Variants in RBFOX1 observed in about 807,000 individuals in gnomAD.
The protein encoded by RBFOX1 is RNA binding fox-1 homolog 1.
In RBFOX1, 8 loss-of-function variants were observed where a neutral mutation model predicts 57.7. The ratio of observed to expected loss-of-function variants is 0.14; its 90% CI spans 0.08 to 0.25. The LOEUF (loss-of-function observed/expected upper bound fraction) is 0.25, where lower values mean the gene tolerates loss of function less well. Among genes scored for constraint, RBFOX1 ranks in the 10% least tolerant of loss-of-function variants. The pLI is 1.00. For synonymous variants in RBFOX1, 326 were observed against 222.4 expected, an observed-to-expected ratio of 1.47 and a Z score of -4.15; for missense variants, 611 against 548.5, an observed-to-expected ratio of 1.11 and a Z score of -1.14.
chr16:5,283,489 G>A (rs1047296335), intron 1 of RBFOX1, among the ~76,000 whole-genome samples: 2 of 152,150 alleles, frequency 1.3e-5, no homozygotes, highest in Non-Finnish European at 2.9e-5. Context: ...TATTCCAGGA[G>A]GGGTGTTATA....
chr16:6,851,941 C>CT (rs2094092717), intron 3 of RBFOX1, among the ~76,000 whole-genome samples: 1 of 114,718 alleles, frequency 8.7e-6, no homozygotes, highest in Non-Finnish European at 1.9e-5. Context: ...TTTTTTTTTT[C>CT]TTTTTTTGAG....
chr16:5,250,899 G>C (rs141353434), intron 1 of RBFOX1, among the ~76,000 whole-genome samples: 1 of 152,234 alleles, frequency 6.6e-6, no homozygotes, highest in Non-Finnish European at 1.5e-5. Context: ...GAGGTGGGCT[G>C]TCTGGATCAG....
intron 2 of RBFOX1, among the ~76,000 whole-genome samples, chr16:5,521,653 C>G (rs1012234958): frequency 1.4e-5 from 2 of 142,724 alleles, no homozygotes; most frequent in African/African-American, 5.8e-5. Flanking sequence ...AGAAACTTGC[C>G]TCTAGGTTTG....
chr16:7,304,903 GGTGTGTGGTGTGGTGTGTGT>G (rs2096135946), intron 4 of RBFOX1, among the ~76,000 whole-genome samples: 1 of 141,642 alleles, frequency 7.1e-6, no homozygotes, highest in Non-Finnish European at 1.5e-5. Flanking sequence ...AGAAGTGTGT[GGTGTGTGGTGTGGTGTGTGT>G]GTGTGTGTGT....
chr16:7,217,056 T>TC (rs1322387691), intron 4 of RBFOX1, among the ~76,000 whole-genome samples: 13 of 56,062 alleles, frequency 2.3e-4, no homozygotes, highest in African/African-American at 8.9e-4. Context: ...TCCCTCCCTC[T>TC]CTCTCCCTCT....
intron 11 of RBFOX1, among the ~76,000 whole-genome samples, chr16:7,633,955 A>C (rs1164948558): frequency 1.3e-5 from 2 of 152,218 alleles, no homozygotes; most frequent in Non-Finnish European, 2.9e-5. Flanking sequence ...TTCCTGCAAC[A>C]GGTCAGCTGG....
intron 3 of RBFOX1, among the ~76,000 whole-genome samples, chr16:5,845,823 G>A (rs572547673): frequency 6.6e-6 from 1 of 152,278 alleles, no homozygotes; most frequent in South Asian, 2.1e-4. Flanking sequence ...TCAGACAGCA[G>A]TGGTCTATAA....
intron 2 of RBFOX1, among the ~76,000 whole-genome samples, chr16:6,346,265 G>A (rs539802614): frequency 4.6e-5 from 7 of 152,174 alleles, no homozygotes; most frequent in Non-Finnish European, 1.0e-4. Flanking sequence ...GAATAGAAGC[G>A]GCCAGAAGGT....
intron 1 of RBFOX1, among the ~76,000 whole-genome samples, chr16:6,078,399 G>A (rs4124065): frequency 1.3e-5 from 2 of 151,666 alleles, no homozygotes; most frequent in African/African-American, 4.8e-5. Context: ...CTTATGAGAC[G>A]TTTTTGGGGG....
intron 3 of RBFOX1, among the ~76,000 whole-genome samples, chr16:5,617,529 C>T (rs899910745): frequency 5.9e-5 from 9 of 152,170 alleles, no homozygotes; most frequent in Non-Finnish European, 1.3e-4. Context: ...CAGTAGCGTC[C>T]ATTGAAGTCC....
intron 2 of RBFOX1, among the ~76,000 whole-genome samples, chr16:6,561,866 T>A (rs1321858066): frequency 6.6e-6 from 1 of 152,166 alleles, no homozygotes; most frequent in Non-Finnish European, 1.5e-5. Flanking sequence ...TGGATTCTGG[T>A]GAATGATTTA....
intron 2 of RBFOX1, among the ~76,000 whole-genome samples, chr16:6,544,266 G>C (rs1459273583): frequency 6.6e-6 from 1 of 152,148 alleles, no homozygotes; most frequent in African/African-American, 2.4e-5. Flanking sequence ...CCACAGGTGT[G>C]GTTGCAAGAA....
intron 3 of RBFOX1, among the ~76,000 whole-genome samples, chr16:6,655,825 G>T (rs1327196555): frequency 6.6e-6 from 1 of 152,122 alleles, no homozygotes; most frequent in Non-Finnish European, 1.5e-5. Context: ...TCAAGCAGAG[G>T]TTTTCAGCTC....
At chr16:5,406,865 G>A (rs902290361) in intron 1 of RBFOX1, among the ~76,000 whole-genome samples, 1 of 152,222 alleles carries the variant, frequency 6.6e-6, no homozygotes, top group Admixed American at 6.5e-5. Context: ...CCAGCGTGAA[G>A]AGTGCTGTGC....
chr16:6,385,764 G>A (rs1229874786), intron 2 of RBFOX1, among the ~76,000 whole-genome samples: 2 of 152,118 alleles, frequency 1.3e-5, no homozygotes, highest in African/African-American at 2.4e-5. Context: ...TCTACACATC[G>A]TATTTAGCAA....
chr16:6,040,604 T>TTTAG (rs1258210263), intron 1 of RBFOX1, among the ~76,000 whole-genome samples: 1 of 151,966 alleles, frequency 6.6e-6, no homozygotes, highest in Non-Finnish European at 1.5e-5. Context: ...TATTTATTTA[T>TTTAG]TTATTTATTT....
intron 4 of RBFOX1, among the ~76,000 whole-genome samples, chr16:7,464,682 G>T (rs1467080767): frequency 7.6e-5 from 9 of 118,798 alleles, no homozygotes; most frequent in South Asian, 2.9e-4. Context: ...TTCTTGTATT[G>T]TCTGTCTTTT....
intron 2 of RBFOX1, among the ~76,000 whole-genome samples, chr16:6,325,390 A>G (rs1486672486): frequency 6.6e-6 from 1 of 152,220 alleles, no homozygotes; most frequent in Admixed American, 6.5e-5. Flanking sequence ...TGGATAATGA[A>G]AGCAAATTTC....
intron 4 of RBFOX1, among the ~76,000 whole-genome samples, chr16:7,419,925 C>CTTTTTTTTTTTTTTTTTTTTTTTTTTTG (rs367626244): frequency 9.8e-6 from 1 of 101,732 alleles, no homozygotes; most frequent in African/African-American, 4.2e-5. Context: ...TTCTTTCTTC[C>CTTTTTTTTTTTTTTTTTTTTTTTTTTTG]TTTTTTTTTT....
Sources: allele counts gnomAD v4.1 joint callset (sites outside exome capture counted in the v4.1 genomes callset), GRCh38; gene constraint gnomAD v4.1.1; transcripts MANE v1.5; gene names NCBI Gene and HGNC (gene_info 2026-07-23, HGNC 2026-07-21).